Variants in BPIFA1 observed in about 807,000 individuals in gnomAD.
BPIFA1 encodes the protein BPI fold-containing family A member 1.
A neutral mutation model predicts 25.1 loss-of-function variants in BPIFA1; 24 were observed. That is an observed-to-expected ratio of 0.96 (90% confidence interval 0.69 to 1.35). The LOEUF is 1.35. Ranked by LOEUF, BPIFA1 falls within the 40% of genes most tolerant of loss-of-function variation. The probability of loss-of-function intolerance (pLI) is 0.00; values close to 1 mark genes in which losing one functional copy is unlikely to be tolerated. For missense variants in BPIFA1, 344 were observed against 303.7 expected, an observed-to-expected ratio of 1.13 and a Z score of -0.99; for synonymous variants, 139 against 131.8, an observed-to-expected ratio of 1.05 and a Z score of -0.37.
chr20:33,239,945 TCACCGAGGGAGACCCTGGTGAC>T, intron 4 of BPIFA1, 35 bp downstream of exon 4: 1 of 1,581,906 alleles, frequency 6.3e-7, no homozygotes, highest in Non-Finnish European at 8.7e-7. Context: ...AGAGGATGGC[TCACCGAGGGAGACCCTGGTGAC>T]CATGGTTAAC....
chr20:33,239,925 A>C lies in BPIFA1; in HGVS notation c.428+15A>C, dbSNP rs200285879. On this transcript the variant is annotated intron_variant, in intron 4 of 8. Coordinates refer to ENST00000354297, the MANE Select transcript of BPIFA1 (RefSeq NM_130852.3). Reference sequence around the variant, plus strand: ...CAAGTGAATACGTGAGTGGGTCCCAAGAGGGGGTGAGAGGATGGCTCACCG... The same window carrying C: ...CAAGTGAATACGTGAGTGGGTCCCACGAGGGGGTGAGAGGATGGCTCACCG... The C allele has an allele frequency of 6.2e-7, 1 of 1,602,894 alleles. No homozygotes were observed. The highest frequency in any genetic ancestry group is 2.2e-5 in the East Asian group (1 of 44,862).
intron 6 of BPIFA1, 143 bp from the exon 7 acceptor site, chr20:33,241,913 A>T: frequency 1.4e-6 from 1 of 734,574 alleles, no homozygotes; most frequent in East Asian, 2.7e-5. Flanking sequence ...CTCCTCAGGC[A>T]TGTGTGACCA....
intron 7 of BPIFA1, 91 bp downstream of exon 7, chr20:33,242,210 G>GGGT: frequency 4.5e-6 from 6 of 1,328,774 alleles, no homozygotes; most frequent in Non-Finnish European, 6.5e-6. Flanking sequence ...TAGGATACTA[G>GGGT]GTCCCTCTGG....
chr20:33,241,591 C>A, intron 6 of BPIFA1, 122 bp downstream of exon 6: 1 of 839,034 alleles, frequency 1.2e-6, no homozygotes, highest in Non-Finnish European at 2.0e-6. Context: ...ATTCATCAAT[C>A]TATTTGTCCA....
intron 5 of BPIFA1, among the ~76,000 whole-genome samples, chr20:33,241,087 A>G (rs1978957689): frequency 6.6e-6 from 1 of 152,240 alleles, no homozygotes; most frequent in South Asian, 2.1e-4. Flanking sequence ...TTGGATCATA[A>G]TGACAACTAC....
intron 5 of BPIFA1, among the ~76,000 whole-genome samples, chr20:33,240,675 A>G (rs1054850540): frequency 6.7e-6 from 1 of 148,310 alleles, no homozygotes; most frequent in Non-Finnish European, 1.5e-5. Flanking sequence ...AGATAGATAG[A>G]TAGATAGATA....
chr20:33,242,435 C>G, intron 7 of BPIFA1, 52 bp from the exon 8 acceptor site: 1 of 1,600,592 alleles, frequency 6.2e-7, no homozygotes, highest in Non-Finnish European at 8.6e-7. Flanking sequence ...GACTCCTTCA[C>G]GTTGAGATCA....
chr20:33,240,556 A>T (rs536720522), intron 5 of BPIFA1, among the ~76,000 whole-genome samples, 171 bp downstream of exon 5: 1 of 151,692 alleles, frequency 6.6e-6, no homozygotes, highest in Admixed American at 6.6e-5. Context: ...GGATGGATGG[A>T]TGGATGGATG....
At chr20:33,237,590 T>G (rs899263588) in intron 1 of BPIFA1, 107 bp from the exon 2 acceptor site, 2 of 883,272 alleles carry the variant, frequency 2.3e-6, no homozygotes, top group Non-Finnish European at 3.2e-6. Context: ...AGTGACCCCC[T>G]GGTGTTCTGG....
Position 33,238,111 on chromosome 20 carries a change from C to T in BPIFA1, c.217C>T (p.Leu73Phe), listed in dbSNP as rs757621515. 6.2e-6 allele frequency: 10 copies of T among 1,613,930 alleles called. No individual in the cohort carries two copies. In the African/African-American group the frequency reaches 1.1e-4, roughly 17 times the overall value. Residue 73 changes from leucine to phenylalanine, a missense_variant, in exon 3 of 9, where the codon CTC becomes TTC. Leu to Phe is a conservative substitution (Grantham distance 22). Transcript: ENST00000354297. Reference sequence around the variant, plus strand: ...GTTGGGCATTCTGGAAAACCTTCCGCTCCTGGACATCCTGAAGCCTGGAGG... The same window carrying T: ...GTTGGGCATTCTGGAAAACCTTCCGTTCCTGGACATCCTGAAGCCTGGAGG... ...GLLGILENLP[L>F]LDILKPGGGT...
intron 1 of BPIFA1, among the ~76,000 whole-genome samples, chr20:33,237,111 G>A (rs993013988): frequency 5.9e-5 from 9 of 152,176 alleles, no homozygotes; most frequent in Admixed American, 3.3e-4. Context: ...AAGCAAGCCC[G>A]ATTGGAGAAT....
At chr20:33,237,962 A>G (rs1978770935) in intron 2 of BPIFA1, 91 bp downstream of exon 2, 2 of 1,514,460 alleles carry the variant, frequency 1.3e-6, no homozygotes, top group Non-Finnish European at 8.9e-7. Flanking sequence ...CCAACCCTGC[A>G]AAGTGGGGAG....
rs774950849 is a variant in BPIFA1 at position 33,242,017 on chromosome 20, G to A, written c.667-39G>A. 27 of 1,579,588 alleles carry A rather than the reference G, an allele frequency of 1.7e-5. No individual in the cohort carries two copies. In the Admixed American group the frequency reaches 4.2e-4, roughly 24 times the overall value. ...CCACTAGGGATTCTGCTGCTCCAGG[G>A]TGCCACTCTGCCTAACTCTCCTCTC... On this transcript the variant is annotated intron_variant, in intron 6 of 8. Coordinates refer to ENST00000354297, the MANE Select transcript of BPIFA1 (RefSeq NM_130852.3).
chr20:33,240,206 A>G lies in BPIFA1; in HGVS notation c.429-27A>G, dbSNP rs1033336416. ...CTTCCTTGGAATGTGGTGGAGCTAG[A>G]TACCAGTGGGGCTGTCTCCTTTGCA... On this transcript the variant is annotated intron_variant, in intron 4 of 8. Coordinates refer to ENST00000354297, the MANE Select transcript of BPIFA1 (RefSeq NM_130852.3). 4 of 1,610,804 alleles carry G rather than the reference A, an allele frequency of 2.5e-6. No individual in the cohort carries two copies. In the East Asian group the frequency reaches 6.7e-5, roughly 27 times the overall value.
In BPIFA1 at chr20:33,237,804, C is replaced by G. The variant is rs377416490; in HGVS notation, c.93C>G (p.Thr31=). 2.2e-5 allele frequency: 35 copies of G among 1,603,372 alleles called. No homozygotes were observed. The highest frequency in any genetic ancestry group is 2.8e-5 in the Non-Finnish European group (33 of 1,174,704). ...GCCTGCCCGTGCCCCTGGACCAGACCCTGCCCTTGAATGTGAATCCAGCCC... is the reference window on the plus strand; with the variant it reads ...GCCTGCCCGTGCCCCTGGACCAGACGCTGCCCTTGAATGTGAATCCAGCCC... ...FGGLPVPLDQ[T]LPLNVNPALP... Residue 31 remains threonine, a synonymous_variant, in exon 2 of 9, where the codon ACC becomes ACG. Transcript: ENST00000354297.
Position 33,237,781 on chromosome 20 carries a change from C to T in BPIFA1, c.70C>T (p.Leu24=). 2 of 1,594,834 alleles carry T rather than the reference C, an allele frequency of 1.3e-6. No individual in the cohort carries two copies. Among genetic ancestry groups the T allele is most frequent in the Middle Eastern group, 1.7e-4 (1 of 5,970 alleles). Residue 24 remains leucine (L), a synonymous_variant, in exon 2 of 9, where the codon CTG becomes TTG. Coordinates refer to ENST00000354297, the MANE Select transcript of BPIFA1 (RefSeq NM_130852.3). ...CCAGACCATGGCCCAGTTTGGAGGC[C>T]TGCCCGTGCCCCTGGACCAGACCCT... The part of the protein sequence containing the change: ...LAQTMAQFGG[L]PVPLDQTLPL...
Position 33,242,113 on chromosome 20 carries a change from A to T in BPIFA1, c.724A>T (p.Ile242Phe). The T allele has an allele frequency of 6.2e-7, 1 of 1,613,952 alleles. No homozygotes were observed. The highest frequency in any genetic ancestry group is 8.5e-7 in the Non-Finnish European group (1 of 1,179,888). ...CTTGGACATCACCCTGGTGCATGAC[A>T]TTGTTAGTAAGTACCTGCTTTCAAG... Reference protein sequence around the residue: ...RGLDITLVHDIVNMLIHGLQF... With the variant: ...RGLDITLVHDFVNMLIHGLQF... Residue 242 changes from isoleucine (I) to phenylalanine (F), a missense_variant, in exon 7 of 9, where the codon ATT (isoleucine) becomes TTT (phenylalanine). Ile to Phe is a conservative substitution (Grantham distance 21, BLOSUM62 0). Transcript: ENST00000354297.
In BPIFA1 at chr20:33,237,723, T is replaced by C. The variant is rs750312331; in HGVS notation, c.12T>C (p.Thr4=). Residue 4 remains threonine, a synonymous_variant, in exon 2 of 9, where the codon ACT becomes ACC. Transcript: ENST00000354297. MFQ[T]GGLIVFYGLL... is the part of the protein sequence containing the mutation. ...TACTAAGAGCAAAGATGTTTCAAAC[T>C]GGGGGCCTCATTGTCTTCTACGGGC... 6.8e-7 allele frequency: 1 copy of C among 1,463,120 alleles called. No homozygotes were observed. The highest frequency in any genetic ancestry group is 1.6e-5 in the South Asian group (1 of 64,236). The allele number at this position is 1,463,120 out of a possible 1,614,324, so 90.6% of individuals were successfully genotyped here.
At chr20:33,237,323 A>T (rs568186848) in intron 1 of BPIFA1, among the ~76,000 whole-genome samples, 1 of 152,320 alleles carries the variant, frequency 6.6e-6, no homozygotes. Flanking sequence ...CTCCTACTGG[A>T]AAATCAGACA....
Sources: gnomAD v4.1 joint callset for allele counts (sites outside exome capture counted in the v4.1 genomes callset) on GRCh38, gnomAD v4.1.1 for gene constraint, MANE v1.5 for transcripts, NCBI Gene and HGNC (gene_info 2026-07-23, HGNC 2026-07-21) for gene names.